The following HNRNPU variants were observed in gnomAD, a reference collection of about 807,000 sequenced individuals.
HNRNPU encodes the protein HNRNPU antisense RNA 1.
HNRNPU carries 5 observed loss-of-function variants against 94.7 expected under a neutral mutation model. That is an observed-to-expected ratio of 0.05 (90% CI 0.03 to 0.11). HNRNPU has a LOEUF of 0.11. Ranked by LOEUF, HNRNPU falls within the 10% of genes least tolerant of loss-of-function variation. The pLI is 1.00. For synonymous variants in HNRNPU, 434 were observed against 381.6 expected (o/e 1.14, Z -1.60); for missense variants, 710 against 1,049.2 (o/e 0.68, Z 4.47).
Position 244,855,259 on chromosome 1 carries a change from A to T in HNRNPU, c.2352+165T>A, listed in dbSNP as rs1573328879. ...TGACTTGTTTAGTACACCTGAAAAA[A>T]CTCAAAAGTAAGTAGACTCATTTCA... On this transcript the variant is annotated intron_variant, in intron 12 of 13. Transcript: ENST00000640218. 5.1e-6 allele frequency: 4 copies of T among 781,590 alleles called. No individual in the cohort carries two copies. In the East Asian group the frequency reaches 9.8e-5, roughly 19 times the overall value. The allele number at this position is 781,590 out of a possible 1,614,324, so 48.4% of individuals were successfully genotyped here.
At chr1:244,858,638 T>C (rs377572986) in intron 6 of HNRNPU, 91 bp downstream of exon 6, 17 of 717,510 alleles carry the variant, frequency 2.4e-5, no homozygotes, top group African/African-American at 2.0e-4. Flanking sequence ...GTTGCTCATA[T>C]TGAAAACTGA....
chr1:244,862,333 A>G, intron 3 of HNRNPU, 128 bp downstream of exon 3: 1 of 644,008 alleles, frequency 1.6e-6, no homozygotes, highest in East Asian at 2.7e-5. Context: ...AATGTAAACC[A>G]TTATCTTCCT....
In HNRNPU at chr1:244,863,900, C is replaced by G; in HGVS notation, c.408G>C (p.Gln136His). The G allele has an allele frequency of 6.2e-7, 1 of 1,613,968 alleles. No homozygotes were observed. The highest frequency in any genetic ancestry group is 8.5e-7 in the Non-Finnish European group (1 of 1,179,946). The change falls in exon 1 of 14, where the codon CAG becomes CAC. Residue 136 changes from glutamine to histidine, a missense_variant. This residue lies in a region of HNRNPU where 292 missense variants were observed against 293.4 expected (regional missense o/e 1.00). Transcript: ENST00000640218. ...AASEDENGDDQGFQEGEDELG... is the reference protein window; with the variant it reads ...AASEDENGDDHGFQEGEDELG... ...GCTCATCTTCCCCTTCCTGGAAACC[C>G]TGATCGTCGCCGTTCTCGTCTTCCG... is the stretch of plus-strand genomic sequence containing the variant.
At chr1:244,854,718 CAATT>C (rs1680633547) in intron 13 of HNRNPU, 2 of 541,072 alleles carry the variant, frequency 3.7e-6, no homozygotes, top group African/African-American at 1.9e-5. Flanking sequence ...TTAGTTTACA[CAATT>C]AAAGCTAGCA....
rs755861836 is a variant in HNRNPU, at chr1:244,856,075, A to G, written c.1996T>C (p.Leu666=). The G allele has an allele frequency of 5.0e-6, 8 of 1,613,928 alleles. No individual in the cohort carries two copies. In the African/African-American group the frequency reaches 8.0e-5, roughly 16 times the overall value. The change falls in exon 11 of 14, where the codon TTG becomes CTG. Residue 666 remains leucine, a synonymous_variant. Transcript: ENST00000640218. ...ELQKEEAQKL[L]EQYKEESKKA... ...TTGCTTTCTTCCTTATATTGCTCCA[A>G]GAGTTTTTGGGCTTCTTCCTTCTGA...
rs1308769042 is a variant in HNRNPU, at chr1:244,864,140, C to A, written c.168G>T (p.Gly56=). The A allele has an allele frequency of 1.2e-6, 2 of 1,603,040 alleles. No individual in the cohort carries two copies. Among genetic ancestry groups the A allele is most frequent in the Non-Finnish European group, 1.7e-6 (2 of 1,175,044 alleles). Reference sequence around the variant, plus strand: ...CCCCGCCCAGGTCTAGGCTGCCGTTCCCGGGCTCCATGGCGGGGCGGCCCC... The same window carrying A: ...CCCCGCCCAGGTCTAGGCTGCCGTTACCGGGCTCCATGGCGGGGCGGCCCC... The part of the protein sequence containing the change: ...EAGGRPAMEP[G]NGSLDLGGDS... Residue 56 remains glycine (G), a synonymous_variant, in exon 1 of 14, where the codon GGG becomes GGT. Transcript: ENST00000640218.
chr1:244,860,320 T>C lies in HNRNPU; in HGVS notation c.1017+15A>G, dbSNP rs1187704035. 3 of 1,604,390 alleles carry C rather than the reference T, an allele frequency of 1.9e-6. No homozygotes were observed. Among genetic ancestry groups the C allele is most frequent in the Non-Finnish European group, 2.6e-6 (3 of 1,175,086 alleles). ...TCTCCACAAACAAACAAACAAATCA[T>C]AAAATTGCATTTACCTTCATCTCAA... On this transcript the variant is annotated intron_variant, in intron 4 of 13. Transcript: ENST00000640218.
Position 244,863,745 on chromosome 1 carries a change from C to G in HNRNPU, c.563G>C (p.Ser188Thr). The stretch of plus-strand genomic sequence containing the variant: ...CACCGCGAACAGCGAGGTGGGGCCG[C>G]TGCTCTTCCCCGCGGCCTCCTTGGC... Reference protein sequence around the residue: ...GAAKEAAGKSSGPTSLFAVTV... With the variant: ...GAAKEAAGKSTGPTSLFAVTV... The change falls in exon 1 of 14, where the codon AGC (serine) becomes ACC (threonine). Residue 188 changes from serine (S) to threonine (T), a missense_variant. This residue lies in a region of HNRNPU where 292 missense variants were observed against 293.4 expected (regional missense o/e 1.00). Transcript: ENST00000640218. 1.3e-6 allele frequency: 2 copies of G among 1,579,830 alleles called. No homozygotes were observed. Among genetic ancestry groups the G allele is most frequent in the South Asian group, 1.1e-5 (1 of 88,134 alleles).
At chr1:244,862,837 G>C (rs1262317562) in intron 1 of HNRNPU, 107 bp from the exon 2 acceptor site, 2 of 775,408 alleles carry the variant, frequency 2.6e-6, no homozygotes, top group Non-Finnish European at 4.5e-6. Flanking sequence ...TTTTAACTGA[G>C]GTTTTAACCG....
intron 3 of HNRNPU, chr1:244,861,700 G>A (rs1053176134): frequency 7.0e-6 from 1 of 142,854 alleles, no homozygotes; most frequent in Non-Finnish European, 1.5e-5. Context: ...CACACCCAGA[G>A]TTGTACATTC....
In HNRNPU at chr1:244,851,342, A is replaced by G. The variant is rs772957676; in HGVS notation, c.*3108T>C. 10 of 152,224 alleles carry G rather than the reference A, an allele frequency of 6.6e-5. No individual in the cohort carries two copies. Among genetic ancestry groups the G allele is most frequent in the Non-Finnish European group, 1.0e-4 (7 of 68,030 alleles). The allele number at this position is 152,224 out of a possible 1,614,324, so 9.4% of individuals were successfully genotyped here. On this transcript the variant is annotated 3_prime_UTR_variant, in exon 14 of 14. Coordinates refer to ENST00000640218, the MANE Select transcript of HNRNPU (RefSeq NM_031844.3). Reference sequence around the variant, plus strand: ...CCTAAGAAGCTATTAAAATATTTGTATTTGTGCAATGGAACCCATTATTCA... The same window carrying G: ...CCTAAGAAGCTATTAAAATATTTGTGTTTGTGCAATGGAACCCATTATTCA...
At position 244,852,741 on chromosome 1, in the gene HNRNPU, T is replaced by C. The variant is rs1331798703; in HGVS notation, c.*1709A>G. Reference sequence around the variant, plus strand: ...CCTTAGAAGTATGAATTCATATTTATGATCTGATTTTAAAGGGCTAAAACA... The same window carrying C: ...CCTTAGAAGTATGAATTCATATTTACGATCTGATTTTAAAGGGCTAAAACA... On this transcript the variant is annotated 3_prime_UTR_variant, in exon 14 of 14. Transcript: ENST00000640218. 2 of 152,086 alleles carry C rather than the reference T, an allele frequency of 1.3e-5. No individual in the cohort carries two copies. Among genetic ancestry groups the C allele is most frequent in the African/African-American group, 2.4e-5 (1 of 41,336 alleles). The allele number at this position is 152,086 out of a possible 1,614,324, so 9.4% of individuals were successfully genotyped here.
chr1:244,854,827 T>C lies in HNRNPU; in HGVS notation c.2424+146A>G, dbSNP rs1184443990. ...TATTTTGCCTTCAAAAGGTAGATTA[T>C]GGCTACTACTGCAAGACGATTCACA... On this transcript the variant is annotated intron_variant, in intron 13 of 13. Coordinates refer to ENST00000640218, the MANE Select transcript of HNRNPU (RefSeq NM_031844.3). The C allele has an allele frequency of 8.0e-6, 5 of 624,628 alleles. No homozygotes were observed. The African/African-American group carries it at 9.3e-5, about 12-fold the overall frequency. 38.7% of individuals were successfully genotyped at this position (624,628 alleles called of 1,614,324 possible).
intron 7 of HNRNPU, 51 bp from the exon 8 acceptor site, chr1:244,857,768 T>C: frequency 6.3e-7 from 1 of 1,579,716 alleles, no homozygotes; most frequent in Non-Finnish European, 8.6e-7. Flanking sequence ...CACCACCTAA[T>C]AATTCTTTAA....
chr1:244,864,422 C>G lies in HNRNPU; in HGVS notation c.-115G>C. 6.5e-7 allele frequency: 1 copy of G among 1,541,286 alleles called. No homozygotes were observed. Among genetic ancestry groups the G allele is most frequent in the Non-Finnish European group, 8.8e-7 (1 of 1,142,776 alleles). ...GCCCGGGCGGCGGCTGCGGCTGCGG[C>G]TGGAGATGGGTTCGTGCTGCAGAGC... is the stretch of plus-strand genomic sequence containing the variant. On this transcript the variant is annotated 5_prime_UTR_variant, in exon 1 of 14. Transcript: ENST00000640218.
chr1:244,859,189 G>C (rs1680761359), intron 5 of HNRNPU, 86 bp downstream of exon 5: 1 of 717,362 alleles, frequency 1.4e-6, no homozygotes, highest in African/African-American at 1.8e-5. Context: ...CAGACAAAAG[G>C]CTTAGAATGC....
At chr1:244,856,935 A>G (rs1680697140) in intron 8 of HNRNPU, 79 bp from the exon 9 acceptor site, 8 of 1,169,902 alleles carry the variant, frequency 6.8e-6, no homozygotes, top group Non-Finnish European at 9.8e-6. Context: ...ACTCATATCT[A>G]TATGTAAAGC....
intron 3 of HNRNPU, chr1:244,861,815 T>C (rs1680839919): frequency 6.6e-6 from 1 of 151,684 alleles, no homozygotes; most frequent in African/African-American, 2.4e-5. Flanking sequence ...TCTCACTCAA[T>C]TGCAACCCAA....
rs1455446351 is a variant in HNRNPU, at chr1:244,858,065, G to C, written c.1440C>G (p.Pro480=). ...PEEYTFIQNV[P]LEDRVRGPKG... ...TTGGTCCTCTAACTCGATCCTCTAA[G>C]GGGACGTTCTGGATGAAAGTATACT... The change falls in exon 7 of 14, where the codon CCC becomes CCG. Residue 480 remains proline, a synonymous_variant. Transcript: ENST00000640218. 1.9e-6 allele frequency: 3 copies of C among 1,613,752 alleles called. No individual in the cohort carries two copies. The highest frequency in any genetic ancestry group is 2.5e-6 in the Non-Finnish European group (3 of 1,179,964).
Sources: allele counts gnomAD v4.1 joint callset, GRCh38; gene constraint gnomAD v4.1.1; regional missense constraint gnomAD v4.1.1; transcripts MANE v1.5; gene names NCBI Gene and HGNC (gene_info 2026-07-23, HGNC 2026-07-21).